GALNT13: variants seen among roughly 807,000 people sequenced by gnomAD.
The protein encoded by GALNT13 is polypeptide N-acetylgalactosaminyltransferase 13.
A neutral mutation model predicts 64.2 loss-of-function variants in GALNT13; 28 were observed. That is an observed-to-expected ratio of 0.44 (90% CI 0.32 to 0.60). The LOEUF (loss-of-function observed/expected upper bound fraction) is 0.60, where lower values mean the gene tolerates loss of function less well. Ranked by LOEUF, GALNT13 falls within the 20% of genes least tolerant of loss-of-function variation. The probability of loss-of-function intolerance (pLI) is 0.05; values close to 1 mark genes in which losing one functional copy is unlikely to be tolerated. For missense variants in GALNT13, 577 were observed against 669.8 expected (o/e 0.86, Z 1.53); for synonymous variants, 214 against 224.6 (o/e 0.95, Z 0.42).
At chr2:153,605,970 G>C in the GALNT13 span, among the ~76,000 whole-genome samples, 29 of 152,078 alleles carry the variant, frequency 1.9e-4, no homozygotes, top group African/African-American at 6.5e-4. Flanking sequence ...CTTGTGATTA[G>C]AGCAATAGTG....
intron 4 of GALNT13, among the ~76,000 whole-genome samples, chr2:154,200,853 T>C (rs1297642596): frequency 6.6e-6 from 1 of 152,138 alleles, no homozygotes; most frequent in Non-Finnish European, 1.5e-5. Context: ...TTGACTAACA[T>C]ACATGATGAG....
chr2:154,095,626 T>C (rs1425989121), intron 3 of GALNT13, among the ~76,000 whole-genome samples: 4 of 152,120 alleles, frequency 2.6e-5, no homozygotes, highest in Middle Eastern at 6.8e-3. Flanking sequence ...ACAACAGTTT[T>C]TTTCTTAATA....
At chr2:154,188,226 G>A (rs759021962) in intron 4 of GALNT13, among the ~76,000 whole-genome samples, 59 of 152,090 alleles carry the variant, frequency 3.9e-4, no homozygotes, top group African/African-American at 1.0e-3. Flanking sequence ...CTGTAGCCAC[G>A]CAGAATAATG....
chr2:154,259,942 G>A (rs1018304358), intron 8 of GALNT13, among the ~76,000 whole-genome samples: 3 of 152,086 alleles, frequency 2.0e-5, no homozygotes, highest in Non-Finnish European at 4.4e-5. Flanking sequence ...GTACAGTGGT[G>A]CAATTTCAGG....
the GALNT13 span, among the ~76,000 whole-genome samples, chr2:153,649,550 T>C: frequency 6.7e-6 from 1 of 148,738 alleles, no homozygotes; most frequent in South Asian, 2.1e-4. Context: ...CTTTTAATTG[T>C]GATGTTAGGG....
At chr2:154,446,763 G>T in intron 12 of GALNT13, 1 of 1,510,018 alleles carries the variant, frequency 6.6e-7, no homozygotes, top group South Asian at 1.3e-5. Context: ...ATGATTTTTG[G>T]AGGTTTGTGT....
chr2:153,121,604 T>C, the GALNT13 span, among the ~76,000 whole-genome samples: 2 of 152,164 alleles, frequency 1.3e-5, no homozygotes, highest in Non-Finnish European at 2.9e-5. Context: ...TGATCTTGGC[T>C]CACTGCAACC....
chr2:153,294,750 TG>T, the GALNT13 span, among the ~76,000 whole-genome samples: 1 of 152,346 alleles, frequency 6.6e-6, no homozygotes, highest in South Asian at 2.1e-4. Flanking sequence ...GAGTATCACT[TG>T]ACACTTGCAT....
chr2:153,437,714 G>A, the GALNT13 span, among the ~76,000 whole-genome samples: 1 of 152,112 alleles, frequency 6.6e-6, no homozygotes, highest in Non-Finnish European at 1.5e-5. Context: ...TTGAGCCTAT[G>A]TGTGTCTCTG....
the GALNT13 span, among the ~76,000 whole-genome samples, chr2:153,240,694 TA>T: frequency 1.3e-5 from 2 of 152,202 alleles, no homozygotes; most frequent in African/African-American, 4.8e-5. Flanking sequence ...ACTGCAGCCC[TA>T]TCACATTGTG....
At chr2:153,310,754 A>C in the GALNT13 span, among the ~76,000 whole-genome samples, 1 of 152,286 alleles carries the variant, frequency 6.6e-6, no homozygotes, top group African/African-American at 2.4e-5. Flanking sequence ...CAAAAGTTAC[A>C]GATGGATTTT....
At chr2:153,290,206 A>G in the GALNT13 span, among the ~76,000 whole-genome samples, 2 of 152,182 alleles carry the variant, frequency 1.3e-5, no homozygotes, top group East Asian at 3.9e-4. Flanking sequence ...TATTATCATT[A>G]TTATTATTTT....
the GALNT13 span, among the ~76,000 whole-genome samples, chr2:153,767,610 A>G: frequency 6.6e-6 from 1 of 152,130 alleles, no homozygotes. Context: ...ATAACAACAT[A>G]TGCTGTCTTT....
chr2:153,432,086 A>AT, the GALNT13 span, among the ~76,000 whole-genome samples: 3,644 of 152,286 alleles, frequency 0.024, 41 homozygotes, highest in Middle Eastern at 0.061. Flanking sequence ...TTTGGGAAAT[A>AT]TTAAGATAAC....
At chr2:154,030,303 A>G (rs1698255990) in intron 3 of GALNT13, among the ~76,000 whole-genome samples, 1 of 152,158 alleles carries the variant, frequency 6.6e-6, no homozygotes. Flanking sequence ...ATCCCAAGAA[A>G]AAGACATATT....
intron 4 of GALNT13, among the ~76,000 whole-genome samples, chr2:154,224,109 G>A (rs982587489): frequency 6.6e-6 from 1 of 152,056 alleles, no homozygotes; most frequent in Non-Finnish European, 1.5e-5. Context: ...CTTTATAAAA[G>A]AGTATATACC....
chr2:154,316,124 A>T (rs1694306763), intron 9 of GALNT13, among the ~76,000 whole-genome samples: 1 of 152,118 alleles, frequency 6.6e-6, no homozygotes, highest in South Asian at 2.1e-4. Context: ...TCAAACAGTT[A>T]AATGTTTATA....
At chr2:154,312,957 G>A (rs963563649) in intron 9 of GALNT13, among the ~76,000 whole-genome samples, 11 of 151,976 alleles carry the variant, frequency 7.2e-5, no homozygotes, top group African/African-American at 1.9e-4. Context: ...TTCTTGAATT[G>A]TATCTTGAAT....
intron 11 of GALNT13, among the ~76,000 whole-genome samples, chr2:154,433,410 C>T (rs1700791740): frequency 1.3e-5 from 2 of 152,034 alleles, no homozygotes; most frequent in South Asian, 2.1e-4. Context: ...AAATCTCTGG[C>T]AGGCCAGAGA....
Sources: gnomAD v4.1 joint callset for allele counts (sites outside exome capture counted in the v4.1 genomes callset) on GRCh38, gnomAD v4.1.1 for gene constraint, MANE v1.5 for transcripts, NCBI Gene and HGNC (gene_info 2026-07-23, HGNC 2026-07-21) for gene names.